The following SPEF2 variants were observed in gnomAD, a reference collection of about 807,000 sequenced individuals.
SPEF2 encodes sperm flagella and cilia-associated protein 2.
A neutral mutation model predicts 224.6 loss-of-function variants in SPEF2; 187 were observed. The ratio of observed to expected loss-of-function variants is 0.83; its 90% CI spans 0.74 to 0.94. The LOEUF (loss-of-function observed/expected upper bound fraction) is 0.94, where lower values mean the gene tolerates loss of function less well. Among genes scored for constraint, SPEF2 ranks in the 40% least tolerant of loss-of-function variants. The pLI is 0.00. For synonymous variants in SPEF2, 715 were observed against 707.3 expected (o/e 1.01, Z -0.17); for missense variants, 2,170 against 2,135.6 (o/e 1.02, Z -0.32).
At chr5:35,646,456 C>A (rs1226276600) in intron 4 of SPEF2, 2 of 412,134 alleles carry the variant, frequency 4.9e-6, no homozygotes, top group South Asian at 5.3e-5. Flanking sequence ...TTTGCAGATT[C>A]CAGAATTGTG....
At chr5:35,782,674 A>T (rs914815677) in intron 30 of SPEF2, among the ~76,000 whole-genome samples, 3 of 152,120 alleles carry the variant, frequency 2.0e-5, no homozygotes, top group South Asian at 2.1e-4. Context: ...TAGTATCAAG[A>T]TGTAAATGGA....
chr5:35,702,276 C>A lies in SPEF2; in HGVS notation c.2398+1524C>A, dbSNP rs1000226870. On this transcript the variant is annotated intron_variant, in intron 16 of 36. Coordinates refer to ENST00000356031, the MANE Select transcript of SPEF2 (RefSeq NM_024867.4). ...ATCTTCACAGAGAAACACACTACAT[C>A]CAAAGCCACGTGGGCTACAAAGTCC... 9 of 456,042 alleles carry A rather than the reference C, an allele frequency of 2.0e-5. No homozygotes were observed. In the Admixed American group the frequency reaches 2.1e-4, roughly 11 times the overall value. 28.2% of individuals were successfully genotyped at this position (456,042 alleles called of 1,614,324 possible).
At chr5:35,788,083 T>C (rs983353366) in intron 30 of SPEF2, 3 of 702,848 alleles carry the variant, frequency 4.3e-6, no homozygotes, top group East Asian at 2.7e-5. Context: ...ATTTTTTTTA[T>C]GGTACTGACA....
At chr5:35,745,496 G>C (rs1304153922) in intron 23 of SPEF2, among the ~76,000 whole-genome samples, 2 of 152,084 alleles carry the variant, frequency 1.3e-5, no homozygotes, top group African/African-American at 4.8e-5. Context: ...GTGGGAGTGA[G>C]ACCGGCCCTT....
At position 35,673,748 on chromosome 5, in the gene SPEF2, T is replaced by C. The variant is rs116433909; in HGVS notation, c.1524+3521T>C. Among the ~76,000 whole-genome samples the C allele has an allele frequency of 2.6e-3, 402 of 152,312 alleles. 4 individuals carry two copies. The highest frequency in any genetic ancestry group is 9.3e-3 in the African/African-American group (387 of 41,574). Reference sequence around the variant, plus strand: ...TGTGGTTATTGGATTAACCCTACAGTGTGTGTTATAATGTACATTTTTATT... The same window carrying C: ...TGTGGTTATTGGATTAACCCTACAGCGTGTGTTATAATGTACATTTTTATT... On this transcript the variant is annotated intron_variant, in intron 10 of 36. Transcript: ENST00000356031.
intron 30 of SPEF2, chr5:35,790,425 T>C (rs996813184): frequency 4.6e-6 from 2 of 433,578 alleles, no homozygotes; most frequent in African/African-American, 4.1e-5. Context: ...TTTTGCATAG[T>C]AAAAAATAAA....
Position 35,691,222 on chromosome 5 carries a change from T to A in SPEF2, c.1710T>A (p.Ser570Arg). The change falls in exon 11 of 37, where the codon AGT (serine) becomes AGA (arginine). Residue 570 changes from serine to arginine, a missense_variant. Ser to Arg is a moderately radical substitution (Grantham distance 110). Transcript: ENST00000356031. ...VKGCLLGKTL[S>R]GKTTILRSLQ... ...GATGCTTATTGGGGAAAACATTAAGTGGAAAAACTACCATTTTAAGGTCTC... is the reference window on the plus strand; with the variant it reads ...GATGCTTATTGGGGAAAACATTAAGAGGAAAAACTACCATTTTAAGGTCTC... 6.2e-7 allele frequency: 1 copy of A among 1,614,010 alleles called. No individual in the cohort carries two copies. Among genetic ancestry groups the A allele is most frequent in the Non-Finnish European group, 8.5e-7 (1 of 1,179,922 alleles).
At chr5:35,706,647 C>T (rs1303298566) in intron 18 of SPEF2, among the ~76,000 whole-genome samples, 1 of 152,088 alleles carries the variant, frequency 6.6e-6, no homozygotes, top group Non-Finnish European at 1.5e-5. Context: ...GCCTTGATAG[C>T]ATACTGTCTC....
intron 23 of SPEF2, among the ~76,000 whole-genome samples, chr5:35,747,031 G>A (rs1245720231): frequency 2.0e-5 from 3 of 152,064 alleles, no homozygotes; most frequent in Non-Finnish European, 1.5e-5. Context: ...CTCCTCAAAC[G>A]AAACAATTAT....
At chr5:35,728,964 T>C (rs1745147355) in intron 21 of SPEF2, among the ~76,000 whole-genome samples, 1 of 152,046 alleles carries the variant, frequency 6.6e-6, no homozygotes, top group South Asian at 2.1e-4. Flanking sequence ...TGATACAATA[T>C]GGTAAGTGAT....
chr5:35,727,912 C>T (rs1744950489), intron 21 of SPEF2, 89 bp downstream of exon 21: 1 of 1,372,800 alleles, frequency 7.3e-7, no homozygotes, highest in Non-Finnish European at 9.9e-7. Flanking sequence ...ATCCTGAAGG[C>T]CTTTTACAGC....
chr5:35,739,262 A>C (rs1382010900), intron 21 of SPEF2, among the ~76,000 whole-genome samples: 2 of 152,176 alleles, frequency 1.3e-5, no homozygotes, highest in Non-Finnish European at 2.9e-5. Context: ...CAAGTAAATG[A>C]TGATGTTACA....
chr5:35,806,393 C>A (rs541718453), intron 34 of SPEF2, among the ~76,000 whole-genome samples: 1 of 152,286 alleles, frequency 6.6e-6, no homozygotes, highest in South Asian at 2.1e-4. Context: ...AATCTATATA[C>A]ATGTGTATAT....
In SPEF2 at chr5:35,814,523, A is replaced by T; in HGVS notation, c.5439A>T (p.Ser1813=). ...EHVQGSDGER[S]PSRHTEEKK ...TACAAGGAAGTGATGGAGAGAGATCACCTTCAAGACATACAGAGGAAAAGA... is the reference window on the plus strand; with the variant it reads ...TACAAGGAAGTGATGGAGAGAGATCTCCTTCAAGACATACAGAGGAAAAGA... Residue 1813 remains serine, a synonymous_variant, in exon 37 of 37, where the codon TCA becomes TCT. Transcript: ENST00000356031. 1.2e-6 allele frequency: 2 copies of T among 1,608,448 alleles called. No homozygotes were observed. Among genetic ancestry groups the T allele is most frequent in the Non-Finnish European group, 1.7e-6 (2 of 1,176,740 alleles).
At chr5:35,753,833 C>G (rs1042152493) in intron 24 of SPEF2, 72 bp downstream of exon 24, 2 of 1,577,782 alleles carry the variant, frequency 1.3e-6, no homozygotes, top group African/African-American at 2.7e-5. Context: ...TCATATGACA[C>G]TTTCTTGGGA....
chr5:35,813,431 G>A (rs981351222), intron 36 of SPEF2, among the ~76,000 whole-genome samples: 14 of 152,150 alleles, frequency 9.2e-5, no homozygotes, highest in African/African-American at 3.1e-4. Context: ...GATTGAGGCT[G>A]CAGTGAGCTA....
chr5:35,747,692 C>T (rs569391099), intron 23 of SPEF2, among the ~76,000 whole-genome samples: 9 of 152,140 alleles, frequency 5.9e-5, no homozygotes, highest in Non-Finnish European at 8.8e-5. Flanking sequence ...AAAACAATCA[C>T]TAACAGACCT....
intron 36 of SPEF2, chr5:35,808,085 T>G: frequency 9.8e-7 from 1 of 1,025,338 alleles, no homozygotes; most frequent in Non-Finnish European, 1.2e-6. Context: ...GCAAGTTACA[T>G]TTTGCAGTTT....
intron 16 of SPEF2, among the ~76,000 whole-genome samples, chr5:35,703,721 T>C (rs1397479616): frequency 6.6e-6 from 1 of 152,186 alleles, no homozygotes; most frequent in Non-Finnish European, 1.5e-5. Context: ...CACAGTTTTC[T>C]TCAGTCACCT....
Sources: allele counts gnomAD v4.1 joint callset (sites outside exome capture counted in the v4.1 genomes callset), GRCh38; gene constraint gnomAD v4.1.1; transcripts MANE v1.5; gene names NCBI Gene and HGNC (gene_info 2026-07-23, HGNC 2026-07-21).